ACTR2: variants seen among roughly 807,000 people sequenced by gnomAD.
ACTR2 encodes the protein actin related protein 2, also known as actin-related protein 2.
ACTR2 carries 5 observed loss-of-function variants against 50.2 expected under a neutral mutation model. That is an observed-to-expected ratio of 0.10 (90% CI 0.05 to 0.21). The LOEUF is 0.21. Among genes scored for constraint, ACTR2 ranks in the 10% least tolerant of loss-of-function variants. The probability of loss-of-function intolerance (pLI) is 1.00; values close to 1 mark genes in which losing one functional copy is unlikely to be tolerated. For missense variants in ACTR2, 180 were observed against 480.6 expected (o/e 0.37, Z 5.85); for synonymous variants, 140 against 162.9 (o/e 0.86, Z 1.07).
At chr2:65,251,239 C>T in intron 4 of ACTR2, 140 bp downstream of exon 4, 1 of 430,818 alleles carries the variant, frequency 2.3e-6, no homozygotes, top group Middle Eastern at 4.1e-4. Flanking sequence ...GAAATATTTT[C>T]AGTTTTTAAA....
intron 1 of ACTR2, among the ~76,000 whole-genome samples, chr2:65,238,986 A>C (rs1225690146): frequency 6.6e-6 from 1 of 152,168 alleles, no homozygotes; most frequent in Non-Finnish European, 1.5e-5. Flanking sequence ...TAAATAGCCA[A>C]AAATGCCTAA....
chr2:65,255,745 G>A (rs756405392), intron 6 of ACTR2, 51 bp downstream of exon 6: 88 of 1,493,302 alleles, frequency 5.9e-5, no homozygotes, highest in Non-Finnish European at 7.7e-5. Flanking sequence ...GGACAGCCAT[G>A]ATTATTGGTG....
chr2:65,232,167 A>G (rs879762368), intron 1 of ACTR2, among the ~76,000 whole-genome samples: 2 of 152,230 alleles, frequency 1.3e-5, no homozygotes, highest in Non-Finnish European at 2.9e-5. Context: ...GTGAAACTCT[A>G]GGTTTAGGTC....
chr2:65,256,330 T>G (rs1477867122), intron 6 of ACTR2, among the ~76,000 whole-genome samples: 6 of 152,202 alleles, frequency 3.9e-5, no homozygotes, highest in Non-Finnish European at 7.3e-5. Flanking sequence ...CTAATGAGAT[T>G]TAGTACCTGG....
intron 1 of ACTR2, among the ~76,000 whole-genome samples, chr2:65,239,416 T>TG (rs1351935052): frequency 6.6e-6 from 1 of 152,258 alleles, no homozygotes; most frequent in Non-Finnish European, 1.5e-5. Context: ...ATTGTGCCAT[T>TG]GCACTTCTGC....
intron 1 of ACTR2, among the ~76,000 whole-genome samples, chr2:65,229,846 A>G (rs1671603136): frequency 6.6e-6 from 1 of 152,176 alleles, no homozygotes; most frequent in South Asian, 2.1e-4. Flanking sequence ...CTGCTATGGA[A>G]ACGTCTAAGA....
chr2:65,259,836 C>A (rs1160955748), intron 6 of ACTR2, among the ~76,000 whole-genome samples: 1 of 152,164 alleles, frequency 6.6e-6, no homozygotes, highest in Non-Finnish European at 1.5e-5. Flanking sequence ...GTGCTTATTA[C>A]TTAGGACAAT....
intron 1 of ACTR2, 170 bp downstream of exon 1, chr2:65,228,127 T>G: frequency 1.8e-6 from 1 of 541,814 alleles, no homozygotes. Flanking sequence ...CGTTCCCTGG[T>G]CTCCCTTGAG....
chr2:65,262,726 G>A (rs1429010672), intron 7 of ACTR2, among the ~76,000 whole-genome samples: 1 of 152,092 alleles, frequency 6.6e-6, no homozygotes, highest in Non-Finnish European at 1.5e-5. Context: ...GGAGGCTGAG[G>A]TGGGAGGTTT....
intron 3 of ACTR2, among the ~76,000 whole-genome samples, chr2:65,247,687 G>C (rs949404628): frequency 1.3e-5 from 2 of 152,168 alleles, no homozygotes; most frequent in African/African-American, 4.8e-5. Flanking sequence ...TCACACCGAC[G>C]AAGAAGAGGA....
intron 1 of ACTR2, among the ~76,000 whole-genome samples, chr2:65,234,451 A>G (rs1671700992): frequency 6.6e-6 from 1 of 152,032 alleles, no homozygotes; most frequent in African/African-American, 2.4e-5. Flanking sequence ...CAGTAATAGT[A>G]GGTTTACAGT....
chr2:65,265,133 T>G lies in ACTR2; in HGVS notation c.972T>G (p.Leu324=). The G allele has an allele frequency of 6.2e-7, 1 of 1,614,188 alleles. No homozygotes were observed. The highest frequency in any genetic ancestry group is 8.5e-7 in the Non-Finnish European group (1 of 1,180,026). The change falls in exon 8 of 9, where the codon CTT becomes CTG. Residue 324 remains leucine, a synonymous_variant. Transcript: ENST00000260641. ...GGTTGGAACGAGAACTTAAACAGCT[T>G]TACTTAGAACGAGTTTTGAAGGGTG... ...PSRLERELKQ[L]YLERVLKGDV...
chr2:65,264,311 A>G (rs1446077841), intron 7 of ACTR2, among the ~76,000 whole-genome samples: 1 of 152,198 alleles, frequency 6.6e-6, no homozygotes, highest in African/African-American at 2.4e-5. Flanking sequence ...TACAAAAGCA[A>G]TGCTTTGTTA....
intron 7 of ACTR2, 26 bp downstream of exon 7, chr2:65,261,418 GTT>G: frequency 6.3e-7 from 1 of 1,579,944 alleles, no homozygotes; most frequent in Non-Finnish European, 8.6e-7. Flanking sequence ...TGATTTCAAA[GTT>G]ATTTATCAGA....
chr2:65,253,115 T>C (rs191845775), intron 4 of ACTR2, among the ~76,000 whole-genome samples: 24 of 152,164 alleles, frequency 1.6e-4, no homozygotes, highest in African/African-American at 2.4e-4. Context: ...ACTATCTAAG[T>C]TGAAAAAAAT....
intron 6 of ACTR2, among the ~76,000 whole-genome samples, chr2:65,260,461 G>A (rs1340065032): frequency 5.3e-5 from 8 of 152,142 alleles, no homozygotes; most frequent in Admixed American, 3.9e-4. Context: ...AGCCGAGATC[G>A]TGCCATTGCA....
chr2:65,265,015 C>T (rs371631369), intron 7 of ACTR2, 28 bp from the exon 8 acceptor site: 1 of 1,612,872 alleles, frequency 6.2e-7, no homozygotes, highest in African/African-American at 1.3e-5. Flanking sequence ...CCTAAAACTC[C>T]AAATGAATAA....
intron 1 of ACTR2, among the ~76,000 whole-genome samples, chr2:65,238,924 C>T (rs576050326): frequency 6.6e-6 from 1 of 151,604 alleles, no homozygotes; most frequent in South Asian, 2.1e-4. Context: ...GCTGAGATCA[C>T]GCCACTGCAC....
At chr2:65,255,794 C>G in intron 6 of ACTR2, 100 bp downstream of exon 6, 1 of 1,139,564 alleles carries the variant, frequency 8.8e-7, no homozygotes. Context: ...GTATTTTTGT[C>G]TTGGGTTGTT....
Sources: gnomAD v4.1 joint callset for allele counts (sites outside exome capture counted in the v4.1 genomes callset) on GRCh38, gnomAD v4.1.1 for gene constraint, MANE v1.5 for transcripts, NCBI Gene and HGNC (gene_info 2026-07-23, HGNC 2026-07-21) for gene names.